ARHGEF3: variants seen among roughly 807,000 people sequenced by gnomAD.
ARHGEF3 encodes the protein 59.8 kDA protein.
A neutral mutation model predicts 63.2 loss-of-function variants in ARHGEF3; 28 were observed. The observed-to-expected ratio is 0.44, with a 90% CI of 0.33 to 0.61. The LOEUF is 0.61. Among genes scored for constraint, ARHGEF3 ranks in the 20% least tolerant of loss-of-function variants. The pLI is 0.03. For missense variants in ARHGEF3, 533 were observed against 659.3 expected (o/e 0.81, Z 2.10); for synonymous variants, 266 against 254.2 (o/e 1.05, Z -0.44).
At chr3:57,059,570 T>C (rs1289373988) in intron 1 of ARHGEF3, among the ~76,000 whole-genome samples, 1 of 151,898 alleles carries the variant, frequency 6.6e-6, no homozygotes, top group Admixed American at 6.6e-5. Flanking sequence ...TAATCAGTGA[T>C]AGGTTCAAAT....
chr3:56,924,952 C>A (rs551174266), intron 3 of ARHGEF3, among the ~76,000 whole-genome samples: 20 of 152,348 alleles, frequency 1.3e-4, no homozygotes, highest in African/African-American at 4.6e-4. Flanking sequence ...GAGTCTCCTG[C>A]AGCTGAACCC....
At chr3:56,768,684 G>A (rs12054026) in intron 2 of ARHGEF3, among the ~76,000 whole-genome samples, 57,224 of 109,052 alleles carry the variant, frequency 0.52, 13,135 homozygotes, top group East Asian at 0.68. Flanking sequence ...AAAAAAAAAA[G>A]AAGAAGATGA....
At chr3:56,744,927 CA>C (rs1320612733) in intron 7 of ARHGEF3, among the ~76,000 whole-genome samples, 1 of 152,170 alleles carries the variant, frequency 6.6e-6, no homozygotes, top group Non-Finnish European at 1.5e-5. Flanking sequence ...GCAACTGTAA[CA>C]CCAGATTAGA....
At chr3:56,825,559 C>A (rs752215877) in intron 4 of ARHGEF3, among the ~76,000 whole-genome samples, 6 of 152,178 alleles carry the variant, frequency 3.9e-5, no homozygotes, top group Non-Finnish European at 8.8e-5. Flanking sequence ...TAATAGGCAG[C>A]AACATTTTCT....
chr3:56,779,476 G>GTTTTTTTTTT (rs1189979162), intron 1 of ARHGEF3, among the ~76,000 whole-genome samples: 2 of 150,856 alleles, frequency 1.3e-5, no homozygotes, highest in African/African-American at 4.9e-5. Context: ...AAAATAAAAA[G>GTTTTTTTTTT]TTTTTTTTTA....
intron 1 of ARHGEF3, among the ~76,000 whole-genome samples, chr3:56,788,447 A>G (rs956668006): frequency 6.6e-6 from 1 of 152,188 alleles, no homozygotes; most frequent in African/African-American, 2.4e-5. Context: ...CCAGGTCTCA[A>G]TAAATATTTA....
Position 56,730,006 on chromosome 3 carries a change from G to C in ARHGEF3, c.1229-384C>G, listed in dbSNP as rs375914457. On this transcript the variant is annotated intron_variant, in intron 9 of 9. Transcript: ENST00000296315. ...AGGCTGAAGTGGGAGCACTGCTTGA[G>C]TCTAGGATTTTGAGATCAGCCTGAG... 1.4e-4 allele frequency among the ~76,000 whole-genome samples: 21 copies of C among 152,258 alleles called. No individual in the cohort carries two copies. The East Asian group carries it at 4.0e-3, about 29-fold the overall frequency.
chr3:56,760,624 C>T (rs1400864564), intron 2 of ARHGEF3, among the ~76,000 whole-genome samples: 1 of 152,158 alleles, frequency 6.6e-6, no homozygotes, highest in Non-Finnish European at 1.5e-5. Flanking sequence ...TATTCCCATT[C>T]TACTGAGGAG....
chr3:56,987,296 T>C (rs980133024), intron 2 of ARHGEF3, among the ~76,000 whole-genome samples: 1 of 152,200 alleles, frequency 6.6e-6, no homozygotes, highest in Admixed American at 6.5e-5. Flanking sequence ...AACATCACCA[T>C]CTTGCAGATG....
chr3:56,763,448 G>A (rs1016866176), intron 2 of ARHGEF3, among the ~76,000 whole-genome samples: 13 of 152,178 alleles, frequency 8.5e-5, no homozygotes, highest in African/African-American at 2.9e-4. Flanking sequence ...CCCTCAGCAG[G>A]ACACTGTTGT....
intron 3 of ARHGEF3, among the ~76,000 whole-genome samples, chr3:56,937,816 A>C (rs1260985239): frequency 1.3e-5 from 2 of 152,252 alleles, no homozygotes; most frequent in African/African-American, 4.8e-5. Flanking sequence ...GTGCTGAGTC[A>C]TAAGTTTTCT....
chr3:57,042,993 A>G (rs71309996), intron 1 of ARHGEF3, among the ~76,000 whole-genome samples: 11,958 of 146,770 alleles, frequency 0.081, 598 homozygotes, highest in Non-Finnish European at 0.1. Context: ...CACCGCGCCC[A>G]GCCCATAAAT....
chr3:56,750,284 G>A (rs907338112), intron 6 of ARHGEF3, among the ~76,000 whole-genome samples: 3 of 152,164 alleles, frequency 2.0e-5, no homozygotes, highest in Non-Finnish European at 2.9e-5. Context: ...CAAAATAAGA[G>A]CACACGCCTT....
intron 1 of ARHGEF3, among the ~76,000 whole-genome samples, chr3:56,786,356 G>C (rs1474612601): frequency 6.6e-6 from 1 of 152,214 alleles, no homozygotes; most frequent in Non-Finnish European, 1.5e-5. Context: ...AGGAAACTGT[G>C]AGGTAAGTAA....
chr3:57,074,023 C>G (rs1365117348), intron 1 of ARHGEF3: 8 of 1,614,212 alleles, frequency 5.0e-6, no homozygotes, highest in Non-Finnish European at 6.8e-6. Context: ...TCACCTCCAG[C>G]TCTCCTGATA....
At chr3:56,739,343 AAAT>A (rs1260190405) in intron 7 of ARHGEF3, among the ~76,000 whole-genome samples, 3 of 151,964 alleles carry the variant, frequency 2.0e-5, no homozygotes, top group South Asian at 2.1e-4. Flanking sequence ...TCATGTCTTA[AAAT>A]AATAATAATA....
At chr3:56,813,976 G>A (rs2038168842) in intron 4 of ARHGEF3, among the ~76,000 whole-genome samples, 1 of 152,180 alleles carries the variant, frequency 6.6e-6, no homozygotes, top group South Asian at 2.1e-4. Flanking sequence ...GTACCAGCTG[G>A]AAGCAGGAAT....
intron 1 of ARHGEF3, among the ~76,000 whole-genome samples, chr3:57,042,043 G>C (rs914290880): frequency 2.6e-5 from 4 of 152,164 alleles, no homozygotes; most frequent in African/African-American, 9.7e-5. Context: ...ACAGTGCTCT[G>C]GTCAGTGTGG....
chr3:56,842,903 C>G lies in ARHGEF3; in HGVS notation c.192+39389G>C, dbSNP rs1349773593. Among the ~76,000 whole-genome samples, 4 of 152,182 alleles carry G rather than the reference C, an allele frequency of 2.6e-5. No individual in the cohort carries two copies. The East Asian group carries it at 7.7e-4, about 29-fold the overall frequency. On this transcript the variant is annotated intron_variant, in intron 4 of 12. Coordinates refer to the ARHGEF3 transcript ENST00000338458. ...TTTTCTTTATTGTCAAAATGACTTA[C>G]AAATAGCTCCAACTTTTGACCGTGG...
Sources: gnomAD v4.1 joint callset for allele counts (sites outside exome capture counted in the v4.1 genomes callset) on GRCh38, gnomAD v4.1.1 for gene constraint, MANE v1.5 for transcripts, NCBI Gene and HGNC (gene_info 2026-07-23, HGNC 2026-07-21) for gene names.